ARHGAP26: variants seen among roughly 807,000 people sequenced by gnomAD.
ARHGAP26 encodes the protein rho GTPase-activating protein 26.
In ARHGAP26, 38 loss-of-function variants were observed where a neutral mutation model predicts 104.8. The observed-to-expected ratio is 0.36, with a 90% CI of 0.28 to 0.48. The LOEUF is 0.48. Among genes scored for constraint, ARHGAP26 ranks in the 20% least tolerant of loss-of-function variants. The probability of loss-of-function intolerance (pLI) is 0.99; values close to 1 mark genes in which losing one functional copy is unlikely to be tolerated. For synonymous variants in ARHGAP26, 341 were observed against 340.0 expected (o/e 1.00, Z -0.03); for missense variants, 704 against 947.9 (o/e 0.74, Z 3.38).
intron 11 of ARHGAP26, among the ~76,000 whole-genome samples, chr5:142,991,590 C>T (rs567613102): frequency 5.9e-5 from 9 of 152,166 alleles, no homozygotes; most frequent in Non-Finnish European, 1.2e-4. Flanking sequence ...CATCTTGGAA[C>T]CTCCCCCACT....
chr5:143,103,709 A>G (rs1793590145), intron 17 of ARHGAP26, among the ~76,000 whole-genome samples: 1 of 152,134 alleles, frequency 6.6e-6, no homozygotes, highest in South Asian at 2.1e-4. Flanking sequence ...AAAACCAAAC[A>G]CTGCATGTTC....
At chr5:142,894,140 A>G (rs1383792684) in intron 5 of ARHGAP26, 98 bp from the exon 6 acceptor site, 2 of 900,148 alleles carry the variant, frequency 2.2e-6, no homozygotes, top group Non-Finnish European at 3.5e-6. Context: ...TTTGTTTTTG[A>G]AAATTATCTC....
intron 14 of ARHGAP26, among the ~76,000 whole-genome samples, chr5:143,048,106 C>T (rs1036776701): frequency 2.6e-5 from 4 of 152,136 alleles, no homozygotes; most frequent in Non-Finnish European, 5.9e-5. Context: ...ACCTTGGCCT[C>T]CCAAAGTGCT....
At chr5:142,931,635 C>T (rs925304562) in intron 10 of ARHGAP26, among the ~76,000 whole-genome samples, 1 of 151,828 alleles carries the variant, frequency 6.6e-6, no homozygotes, top group African/African-American at 2.4e-5. Flanking sequence ...ATTTTCTCCT[C>T]TTTTTTTTAT....
chr5:143,109,139 T>C (rs1240811120), intron 17 of ARHGAP26, among the ~76,000 whole-genome samples: 4 of 131,566 alleles, frequency 3.0e-5, no homozygotes, highest in African/African-American at 1.0e-4. Context: ...TGGGTGGCTA[T>C]TAGCTGGGTA....
chr5:143,197,038 C>T (rs1562592745), intron 20 of ARHGAP26, among the ~76,000 whole-genome samples: 1 of 152,166 alleles, frequency 6.6e-6, no homozygotes, highest in East Asian at 1.9e-4. Context: ...ACATTTAAGT[C>T]ATTTATGTTG....
chr5:143,136,676 CTGCTGGGA>C (rs1282835670), intron 19 of ARHGAP26, among the ~76,000 whole-genome samples: 2 of 152,154 alleles, frequency 1.3e-5, no homozygotes. Flanking sequence ...CTGGAAGGTT[CTGCTGGGA>C]CCTGCTCCCT....
At chr5:143,141,669 G>A (rs1325353500) in intron 19 of ARHGAP26, among the ~76,000 whole-genome samples, 2 of 152,102 alleles carry the variant, frequency 1.3e-5, no homozygotes, top group South Asian at 2.1e-4. Context: ...CCGTCTGTAC[G>A]TGGACTCCCT....
intron 11 of ARHGAP26, among the ~76,000 whole-genome samples, chr5:142,965,488 G>A (rs1035456467): frequency 2.7e-4 from 41 of 152,172 alleles, no homozygotes; most frequent in Non-Finnish European, 8.8e-5. Context: ...GGCCCTGTCC[G>A]GGCATAACAG....
intron 17 of ARHGAP26, among the ~76,000 whole-genome samples, chr5:143,077,038 C>T (rs1192354397): frequency 6.6e-6 from 1 of 152,254 alleles, no homozygotes; most frequent in Admixed American, 6.5e-5. Flanking sequence ...TAGATAGTGC[C>T]ACATTATTCT....
At chr5:143,101,287 T>G (rs1793195014) in intron 17 of ARHGAP26, among the ~76,000 whole-genome samples, 1 of 152,162 alleles carries the variant, frequency 6.6e-6, no homozygotes, top group Admixed American at 6.5e-5. Context: ...ATTACTCTGG[T>G]TCGAGTGTGT....
chr5:143,183,610 C>A (rs1347470255), intron 20 of ARHGAP26, among the ~76,000 whole-genome samples: 1 of 152,198 alleles, frequency 6.6e-6, no homozygotes, highest in Non-Finnish European at 1.5e-5. Flanking sequence ...TCCCTGCCCA[C>A]ACGTACTGTG....
At chr5:143,219,566 C>T (rs1810866235) in intron 22 of ARHGAP26, among the ~76,000 whole-genome samples, 3 of 152,168 alleles carry the variant, frequency 2.0e-5, no homozygotes, top group African/African-American at 7.2e-5. Flanking sequence ...AGAAGGGATT[C>T]CATGGTAGTA....
In ARHGAP26 at chr5:143,226,499, A is replaced by C. The variant is rs921665739; in HGVS notation, c.*4053A>C. ...CCGTCTCAAAGGAAAAAAAAAAAAAAAAAAAAAGAATGCCATGCCAGGAGA... is the reference window on the plus strand; with the variant it reads ...CCGTCTCAAAGGAAAAAAAAAAAAACAAAAAAAGAATGCCATGCCAGGAGA... On this transcript the variant is annotated 3_prime_UTR_variant, in exon 23 of 23. Coordinates refer to ENST00000645722, the MANE Select transcript of ARHGAP26 (RefSeq NM_001135608.3). 1 of 185,998 alleles carries C rather than the reference A, an allele frequency of 5.4e-6. No homozygotes were observed. The highest frequency in any genetic ancestry group is 2.3e-5 in the African/African-American group (1 of 42,596). 11.5% of individuals were successfully genotyped at this position (185,998 alleles called of 1,614,324 possible). A position where few individuals can be genotyped will look rare whatever the true frequency, so the allele number is the denominator to read the frequency against.
At chr5:142,816,950 G>C (rs1765258546) in intron 1 of ARHGAP26, among the ~76,000 whole-genome samples, 1 of 152,110 alleles carries the variant, frequency 6.6e-6, no homozygotes, top group Non-Finnish European at 1.5e-5. Context: ...GGCTTACGGA[G>C]AAACCTACAA....
intron 11 of ARHGAP26, among the ~76,000 whole-genome samples, chr5:143,011,441 C>T (rs1330179277): frequency 2.0e-5 from 3 of 151,112 alleles, no homozygotes; most frequent in East Asian, 3.9e-4. Context: ...ATGTCTAGTT[C>T]ATCTGTATCC....
chr5:143,149,330 C>G (rs1202633300), intron 20 of ARHGAP26, among the ~76,000 whole-genome samples: 3 of 152,186 alleles, frequency 2.0e-5, no homozygotes, highest in Admixed American at 6.5e-5. Flanking sequence ...ACCTTTGGGT[C>G]TTGAGGTCAG....
In ARHGAP26 at chr5:142,979,654, T is replaced by C. The variant is rs140602470; in HGVS notation, c.1108-34426T>C. On this transcript the variant is annotated intron_variant, in intron 11 of 22. Coordinates refer to ENST00000645722, the MANE Select transcript of ARHGAP26 (RefSeq NM_001135608.3). Reference sequence around the variant, plus strand: ...ATACACAATCAAGGAAAAAGGAAAATGCAGAAGTGGAGGCCCCAGCTTCTG... The same window carrying C: ...ATACACAATCAAGGAAAAAGGAAAACGCAGAAGTGGAGGCCCCAGCTTCTG... Among the ~76,000 whole-genome samples, 13 of 152,320 alleles carry C rather than the reference T, an allele frequency of 8.5e-5. No homozygotes were observed. In the East Asian group the frequency reaches 2.5e-3, roughly 29 times the overall value.
At chr5:143,113,307 T>G (rs1284246689) in intron 17 of ARHGAP26, among the ~76,000 whole-genome samples, 3 of 152,220 alleles carry the variant, frequency 2.0e-5, no homozygotes, top group African/African-American at 7.2e-5. Context: ...TAAGTAATAC[T>G]GAGCAGTACT....
Sources: gnomAD v4.1 joint callset for allele counts (sites outside exome capture counted in the v4.1 genomes callset) on GRCh38, gnomAD v4.1.1 for gene constraint, MANE v1.5 for transcripts, NCBI Gene and HGNC (gene_info 2026-07-23, HGNC 2026-07-21) for gene names.